The following AKR1A1 variants were observed in gnomAD, a reference collection of about 807,000 sequenced individuals.
The protein encoded by AKR1A1 is aldo-keto reductase family 1 member A1, also known as HEL-S-165mP.
AKR1A1 carries 26 observed loss-of-function variants against 39.2 expected under a neutral mutation model. The ratio of observed to expected loss-of-function variants is 0.66; its 90% CI spans 0.49 to 0.92. The LOEUF (loss-of-function observed/expected upper bound fraction) is 0.92, where lower values mean the gene tolerates loss of function less well. AKR1A1 is among the 40% of genes least tolerant of loss of function. The pLI, the probability that AKR1A1 is intolerant of heterozygous loss-of-function variation, is 0.00. For synonymous variants in AKR1A1, 141 were observed against 155.5 expected, an observed-to-expected ratio of 0.91 and a Z score of 0.69; for missense variants, 378 against 406.5, an observed-to-expected ratio of 0.93 and a Z score of 0.60.
At chr1:45,553,919 C>T (rs921543287) in intron 1 of AKR1A1, among the ~76,000 whole-genome samples, 5 of 151,648 alleles carry the variant, frequency 3.3e-5, no homozygotes, top group Admixed American at 6.6e-5. Flanking sequence ...GGCATGAACC[C>T]GGGAGGCGGA....
intron 8 of AKR1A1, 108 bp downstream of exon 8, chr1:45,569,337 G>T: frequency 3.4e-6 from 3 of 894,714 alleles, no homozygotes; most frequent in South Asian, 1.4e-5. Flanking sequence ...ACAATGTTGT[G>T]GGTGGGATTG....
In AKR1A1 at chr1:45,551,160, G is replaced by C; in HGVS notation, c.-7+5G>C. On this transcript the variant is annotated splice_donor_5th_base_variant and intron_variant, in intron 1 of 8. Coordinates refer to ENST00000351829, the MANE Select transcript of AKR1A1 (RefSeq NM_153326.3). ...ACGCTCTGTGCTTGTGCCAAGGTGAGTTTCTCTTGCTGCTGGCCTATCTTT... is the reference window on the plus strand; with the variant it reads ...ACGCTCTGTGCTTGTGCCAAGGTGACTTTCTCTTGCTGCTGGCCTATCTTT... The C allele has an allele frequency of 6.6e-6, 1 of 152,224 alleles. No individual in the cohort carries two copies. The highest frequency in any genetic ancestry group is 1.9e-4 in the East Asian group (1 of 5,194). 9.4% of individuals were successfully genotyped at this position (152,224 alleles called of 1,614,324 possible).
intron 1 of AKR1A1, 34 bp from the exon 2 acceptor site, chr1:45,561,754 AC>A: frequency 1.2e-6 from 2 of 1,602,764 alleles, no homozygotes; most frequent in Non-Finnish European, 1.7e-6. Flanking sequence ...AACAGCACTA[AC>A]CCCAACACCA....
In AKR1A1 at chr1:45,569,187, T is replaced by A. The variant is rs1159251240; in HGVS notation, c.870T>A (p.Asn290Lys). 2 of 1,614,142 alleles carry A rather than the reference T, an allele frequency of 1.2e-6. No homozygotes were observed. Among genetic ancestry groups the A allele is most frequent in the African/African-American group, 2.7e-5 (2 of 75,040 alleles). Residue 290 changes from asparagine to lysine, a missense_variant, in exon 8 of 9, where the codon AAT (asparagine) becomes AAA (lysine). Asn to Lys is a moderately conservative substitution (Grantham distance 94). Transcript: ENST00000351829. The part of the protein sequence containing the change: ...TFSPEEMKQL[N>K]ALNKNWRYIV... ...GCCCAGAAGAGATGAAGCAGCTAAA[T>A]GCCCTGAACAAAAATTGGAGATATA...
At chr1:45,563,144 A>G (rs1207692573) in intron 2 of AKR1A1, among the ~76,000 whole-genome samples, 2 of 150,728 alleles carry the variant, frequency 1.3e-5, no homozygotes, top group East Asian at 4.0e-4. Context: ...GCTCACGCCT[A>G]TAATCCCAGC....
intron 1 of AKR1A1, among the ~76,000 whole-genome samples, chr1:45,561,106 A>G (rs1192513168): frequency 6.6e-6 from 1 of 152,126 alleles, no homozygotes; most frequent in African/African-American, 2.4e-5. Flanking sequence ...GGGCCTATTC[A>G]GTTACCTGGT....
At chr1:45,552,950 C>T (rs928293073) in intron 1 of AKR1A1, among the ~76,000 whole-genome samples, 1 of 151,928 alleles carries the variant, frequency 6.6e-6, no homozygotes, top group Non-Finnish European at 1.5e-5. Flanking sequence ...CATGGTGAAA[C>T]CCTCTCCGTA....
intron 1 of AKR1A1, among the ~76,000 whole-genome samples, chr1:45,552,908 T>C (rs977333755): frequency 6.6e-5 from 10 of 151,424 alleles, no homozygotes; most frequent in African/African-American, 2.4e-4. Flanking sequence ...GTGGATCACC[T>C]GAGGTCAGGA....
Position 45,557,308 on chromosome 1 carries a change from A to G in AKR1A1, c.-6-4481A>G, listed in dbSNP as rs636265. ...CTGTTCACGCACAGCTAGGCTGGAA[A>G]GCAGTTGTATCAAGCAGAAGATGAG... On this transcript the variant is annotated intron_variant, in intron 1 of 8. Coordinates refer to ENST00000351829, the MANE Select transcript of AKR1A1 (RefSeq NM_153326.3). Among the ~76,000 whole-genome samples, 122 of 152,092 alleles carry G rather than the reference A, an allele frequency of 8.0e-4. 2 individuals carry two copies. Among genetic ancestry groups the G allele is most frequent in the African/African-American group, 2.8e-3 (118 of 41,532 alleles).
Position 45,561,827 on chromosome 1 carries a change from G to C in AKR1A1, c.33G>C (p.Gly11=), listed in dbSNP as rs142175775. 2.8e-5 allele frequency: 45 copies of C among 1,614,134 alleles called. No homozygotes were observed. The African/African-American group carries it at 5.5e-4, about 20-fold the overall frequency. Residue 11 remains glycine, a synonymous_variant, in exon 2 of 9, where the codon GGG becomes GGC. Coordinates refer to ENST00000351829, the MANE Select transcript of AKR1A1 (RefSeq NM_153326.3). ...CTTCCTGTGTTCTACTGCACACTGG[G>C]CAGAAGATGCCTCTGATTGGTCTGG... MAASCVLLHT[G]QKMPLIGLGT... is the part of the protein sequence containing the mutation.
chr1:45,567,044 T>G, intron 4 of AKR1A1, 24 bp downstream of exon 4: 3 of 1,610,600 alleles, frequency 1.9e-6, no homozygotes, highest in Non-Finnish European at 1.7e-6. Flanking sequence ...GAGCCTCATC[T>G]GGGGAATCAG....
At chr1:45,554,906 G>A (rs1483963670) in intron 1 of AKR1A1, among the ~76,000 whole-genome samples, 2 of 152,058 alleles carry the variant, frequency 1.3e-5, no homozygotes, top group African/African-American at 4.8e-5. Flanking sequence ...CCCCAGGCTG[G>A]TCTCGAACTC....
At position 45,563,140 on chromosome 1, in the gene AKR1A1, G is replaced by T. The variant is rs144360147; in HGVS notation, c.84+1262G>T. Among the ~76,000 whole-genome samples the T allele has an allele frequency of 3.3e-5, 5 of 149,832 alleles. No homozygotes were observed. The South Asian group carries it at 1.1e-3, about 32-fold the overall frequency. Reference sequence around the variant, plus strand: ...AGGTAGGCTGGACACTGTGGCTCACGCCTATAATCCCAGCACTTTGGGAGG... The same window carrying T: ...AGGTAGGCTGGACACTGTGGCTCACTCCTATAATCCCAGCACTTTGGGAGG... On this transcript the variant is annotated intron_variant, in intron 2 of 8. Coordinates refer to ENST00000351829, the MANE Select transcript of AKR1A1 (RefSeq NM_153326.3).
chr1:45,554,263 C>T (rs968993762), intron 1 of AKR1A1, among the ~76,000 whole-genome samples: 3 of 151,398 alleles, frequency 2.0e-5, no homozygotes, highest in African/African-American at 4.9e-5. Flanking sequence ...CCTGTCTCTA[C>T]GAAAAACACA....
At position 45,560,020 on chromosome 1, in the gene AKR1A1, C is replaced by G. The variant is rs1615679; in HGVS notation, c.-6-1769C>G. On this transcript the variant is annotated intron_variant, in intron 1 of 8. Coordinates refer to ENST00000351829, the MANE Select transcript of AKR1A1 (RefSeq NM_153326.3). ...TTTTTTTTTTTGAGATGGAGTCTGG[C>G]TGTGTCGCCCAGGCTGGAGTGCAGT... 1.2e-3 allele frequency among the ~76,000 whole-genome samples: 184 copies of G among 150,032 alleles called. 9 individuals carry two copies. The highest frequency in any genetic ancestry group is 4.3e-3 in the African/African-American group (177 of 40,724).
intron 2 of AKR1A1, among the ~76,000 whole-genome samples, chr1:45,565,122 ATTT>A (rs11351880): frequency 3.7e-5 from 2 of 53,586 alleles, no homozygotes; most frequent in South Asian, 7.2e-4. Context: ...ACACCCAGCC[ATTT>A]TTTTTTTTTT....
chr1:45,562,613 G>A (rs1358531112), intron 2 of AKR1A1, among the ~76,000 whole-genome samples: 1 of 151,838 alleles, frequency 6.6e-6, no homozygotes, highest in East Asian at 1.9e-4. Flanking sequence ...GGGTTCAAGT[G>A]ATTCTCCTGC....
At chr1:45,555,132 G>A (rs1389331773) in intron 1 of AKR1A1, among the ~76,000 whole-genome samples, 2 of 152,050 alleles carry the variant, frequency 1.3e-5, no homozygotes, top group Non-Finnish European at 2.9e-5. Flanking sequence ...GTGCATCTGC[G>A]GATTCAACCT....
chr1:45,561,986 G>A, intron 2 of AKR1A1, 108 bp downstream of exon 2: 1 of 1,091,172 alleles, frequency 9.2e-7, no homozygotes, highest in Admixed American at 2.2e-5. Flanking sequence ...AGTGGGAAGA[G>A]ATAAGAGAAG....
Sources: gnomAD v4.1 joint callset for allele counts (sites outside exome capture counted in the v4.1 genomes callset) on GRCh38, gnomAD v4.1.1 for gene constraint, MANE v1.5 for transcripts, NCBI Gene and HGNC (gene_info 2026-07-23, HGNC 2026-07-21) for gene names.